PHTF2: variants seen among roughly 807,000 people sequenced by gnomAD.
PHTF2 encodes the protein putative homeodomain transcription factor 2.
Under a neutral mutation model 101.2 loss-of-function variants are expected in PHTF2, and 60 were observed. That is an observed-to-expected ratio of 0.59 (90% CI 0.48 to 0.73). The LOEUF (loss-of-function observed/expected upper bound fraction) is 0.73. Ranked by LOEUF, PHTF2 falls within the 30% of genes least tolerant of loss-of-function variation. PHTF2 has a pLI of 0.00. For synonymous variants in PHTF2, 311 were observed against 307.3 expected, an observed-to-expected ratio of 1.01 and a Z score of -0.13; for missense variants, 747 against 908.7, an observed-to-expected ratio of 0.82 and a Z score of 2.29.
At chr7:77,896,851 T>A (rs967980718) in intron 5 of PHTF2, among the ~76,000 whole-genome samples, 3 of 152,216 alleles carry the variant, frequency 2.0e-5, no homozygotes, top group African/African-American at 7.2e-5. Context: ...ATTCTTTCAT[T>A]AGTTGTCAAA....
At chr7:77,916,808 T>C (rs1306412929) in intron 9 of PHTF2, among the ~76,000 whole-genome samples, 2 of 152,230 alleles carry the variant, frequency 1.3e-5, no homozygotes, top group Admixed American at 1.3e-4. Flanking sequence ...TATACTGTAT[T>C]GCTTAGGGAA....
chr7:77,925,567 T>C (rs1420100707), intron 11 of PHTF2, among the ~76,000 whole-genome samples: 3 of 127,294 alleles, frequency 2.4e-5, no homozygotes, highest in Non-Finnish European at 4.7e-5. Context: ...TGGAGTGCAG[T>C]GGCGCCATCT....
chr7:77,935,147 G>T (rs181668893), intron 12 of PHTF2, among the ~76,000 whole-genome samples: 1 of 121,300 alleles, frequency 8.2e-6, no homozygotes. Flanking sequence ...ACACACAGAG[G>T]AATATAGCAG....
At chr7:77,867,221 G>A (rs1352691926) in intron 3 of PHTF2, among the ~76,000 whole-genome samples, 1 of 152,160 alleles carries the variant, frequency 6.6e-6, no homozygotes, top group African/African-American at 2.4e-5. Context: ...CCCACAGAAG[G>A]TAATACAGGG....
intron 1 of PHTF2, among the ~76,000 whole-genome samples, chr7:77,833,194 AT>A (rs1205397749): frequency 1.3e-5 from 2 of 152,200 alleles, no homozygotes; most frequent in Non-Finnish European, 2.9e-5. Flanking sequence ...AGAAAGTGGA[AT>A]TTTGGAAGTC....
rs1040646840 is a variant in PHTF2 at position 77,931,663 on chromosome 7, A to G, written c.1338+2336A>G. ...GAAGAGCAGTTTGTCATTATATAGT[A>G]AAGTTGAAGTTCTATATATTCTAGG... On this transcript the variant is annotated intron_variant, in intron 12 of 19. Coordinates refer to ENST00000416283, the Ensembl canonical transcript of PHTF2. 2.0e-5 allele frequency among the ~76,000 whole-genome samples: 3 copies of G among 152,228 alleles called. No homozygotes were observed. The East Asian group carries it at 5.8e-4, about 29-fold the overall frequency.
chr7:77,836,777 A>G (rs1312393570), intron 1 of PHTF2, among the ~76,000 whole-genome samples: 1 of 151,344 alleles, frequency 6.6e-6, no homozygotes, highest in African/African-American at 2.4e-5. Flanking sequence ...GTAAGAACAC[A>G]TGGAGACAGG....
At chr7:77,924,484 G>C (rs1340393827) in intron 11 of PHTF2, among the ~76,000 whole-genome samples, 2 of 152,214 alleles carry the variant, frequency 1.3e-5, no homozygotes, top group Non-Finnish European at 2.9e-5. Flanking sequence ...TAATATGATA[G>C]AGGGCAAGGA....
chr7:77,889,065 GGTA>G (rs1388925967), intron 3 of PHTF2, among the ~76,000 whole-genome samples: 1 of 152,136 alleles, frequency 6.6e-6, no homozygotes, highest in African/African-American at 2.4e-5. Flanking sequence ...TTTTAACTTT[GGTA>G]GCACAGCTCT....
chr7:77,929,078 G>A (rs770611213), intron 11 of PHTF2, 31 bp from the exon 11 acceptor site: 1 of 1,475,928 alleles, frequency 6.8e-7, no homozygotes, highest in African/African-American at 1.4e-5. Flanking sequence ...TACATAAATT[G>A]TATTAATGTC....
At chr7:77,889,236 A>G (rs916675088) in intron 3 of PHTF2, among the ~76,000 whole-genome samples, 1 of 152,192 alleles carries the variant, frequency 6.6e-6, no homozygotes, top group East Asian at 1.9e-4. Flanking sequence ...GGTCTGATCT[A>G]CTATCCTGCC....
chr7:77,825,094 G>GA (rs1314687596), intron 1 of PHTF2, among the ~76,000 whole-genome samples: 6 of 151,934 alleles, frequency 3.9e-5, no homozygotes, highest in African/African-American at 1.2e-4. Flanking sequence ...AAATGAAGTG[G>GA]GGTCACAGAT....
At chr7:77,885,321 T>A (rs978898882) in intron 3 of PHTF2, among the ~76,000 whole-genome samples, 1 of 152,166 alleles carries the variant, frequency 6.6e-6, no homozygotes, top group Non-Finnish European at 1.5e-5. Context: ...AGTCTTGAAC[T>A]CCTGGTCTCA....
chr7:77,908,817 C>T (rs1802095968), exon 8 of PHTF2: 2 of 1,606,792 alleles, frequency 1.2e-6, no homozygotes, highest in Non-Finnish European at 1.7e-6. Flanking sequence ...TTATTCTGCT[C>T]CACTTCTAGC....
chr7:77,881,520 GTT>G (rs10713124), intron 3 of PHTF2, among the ~76,000 whole-genome samples: 25 of 136,266 alleles, frequency 1.8e-4, no homozygotes, highest in African/African-American at 6.3e-4. Flanking sequence ...GGCTGGTTTT[GTT>G]TTTTTTTTTT....
At chr7:77,814,371 T>G (rs2150497491) in intron 1 of PHTF2, among the ~76,000 whole-genome samples, 1 of 152,306 alleles carries the variant, frequency 6.6e-6, no homozygotes, top group Non-Finnish European at 1.5e-5. Flanking sequence ...TTTATTTTGT[T>G]AACATTGAAC....
At chr7:77,924,054 T>C (rs1562954159) in intron 11 of PHTF2, 1 of 950,718 alleles carries the variant, frequency 1.1e-6, no homozygotes. Context: ...AAGTGAAGAA[T>C]GTAGACTAGG....
intron 3 of PHTF2, among the ~76,000 whole-genome samples, chr7:77,879,963 A>G (rs1799270844): frequency 1.3e-5 from 2 of 152,324 alleles, no homozygotes; most frequent in South Asian, 2.1e-4. Flanking sequence ...TTTGTAAAAT[A>G]TTGGTTTTTA....
rs553089071 is a variant in PHTF2, at chr7:77,934,095, C to T, written c.1339-3615C>T. 4.6e-5 allele frequency among the ~76,000 whole-genome samples: 7 copies of T among 152,204 alleles called. No individual in the cohort carries two copies. In the South Asian group the frequency reaches 1.2e-3, roughly 27 times the overall value. On this transcript the variant is annotated intron_variant, in intron 12 of 19. Coordinates refer to ENST00000416283, the Ensembl canonical transcript of PHTF2. ...AGTAGCTAAGTAATGGAAATTAGCTCCCTTTTACTAAAAAGCTACTAGTTT... is the reference window on the plus strand; with the variant it reads ...AGTAGCTAAGTAATGGAAATTAGCTTCCTTTTACTAAAAAGCTACTAGTTT...
Sources: gnomAD v4.1 joint callset for allele counts (sites outside exome capture counted in the v4.1 genomes callset) on GRCh38, gnomAD v4.1.1 for gene constraint, MANE v1.5 for transcripts, NCBI Gene and HGNC (gene_info 2026-07-23, HGNC 2026-07-21) for gene names.